Variants in FBLIM1 observed in about 807,000 individuals in gnomAD.
The protein encoded by FBLIM1 is filamin binding LIM protein 1, also known as filamin-binding LIM protein 1.
A neutral mutation model predicts 37.4 loss-of-function variants in FBLIM1; 29 were observed. The observed-to-expected ratio is 0.77, with a 90% CI of 0.58 to 1.06. The LOEUF is 1.06. Ranked by LOEUF, FBLIM1 falls within the 50% of genes least tolerant of loss-of-function variation. The pLI is 0.00. For synonymous variants in FBLIM1, 193 were observed against 199.0 expected (o/e 0.97, Z 0.25); for missense variants, 449 against 505.6 (o/e 0.89, Z 1.07).
Position 15,770,490 on chromosome 1 carries a change from G to A in FBLIM1, c.623G>A (p.Cys208Tyr). The A allele has an allele frequency of 6.2e-7, 1 of 1,613,716 alleles. No homozygotes were observed. Among genetic ancestry groups the A allele is most frequent in the East Asian group, 2.2e-5 (1 of 44,856 alleles). The change falls in exon 6 of 9, where the codon TGC becomes TAC. Residue 208 changes from cysteine to tyrosine, a missense_variant. Cys to Tyr is a radical substitution (Grantham distance 194). Transcript: ENST00000375766. ...EAMKRQYHAQ[C>Y]FTCRTCRRQL... Reference sequence around the variant, plus strand: ...ATGAAGAGGCAGTACCATGCCCAGTGCTTCACGTGCCGCACCTGCCGCCGC... The same window carrying A: ...ATGAAGAGGCAGTACCATGCCCAGTACTTCACGTGCCGCACCTGCCGCCGC...
At chr1:15,783,866 A>G (rs1245911765) in intron 8 of FBLIM1, among the ~76,000 whole-genome samples, 1 of 151,944 alleles carries the variant, frequency 6.6e-6, no homozygotes, top group East Asian at 1.9e-4. Flanking sequence ...ATAGGCGTGA[A>G]CCACCGCGCC....
rs76050903 is a variant in FBLIM1, at chr1:15,764,916, C to A, written c.-20-48C>A. ...GCTCTCTCCTCTCGGGGGAGGGTGG[C>A]TGTGTGTCTGGGTGGCAATCCTGTG... On this transcript the variant is annotated intron_variant, in intron 2 of 8. Transcript: ENST00000375766. 4,013 of 1,535,196 alleles carry A rather than the reference C, an allele frequency of 2.6e-3. 21 individuals are homozygous for A. Among genetic ancestry groups the A allele is most frequent in the Middle Eastern group, 0.015 (69 of 4,496 alleles).
intron 8 of FBLIM1, among the ~76,000 whole-genome samples, chr1:15,778,193 TGGAG>T (rs1478463690): frequency 6.6e-6 from 1 of 151,988 alleles, no homozygotes; most frequent in African/African-American, 2.4e-5. Flanking sequence ...TTGTTACAAC[TGGAG>T]GAAGGGAGAA....
chr1:15,767,114 A>C (rs2068961331), intron 3 of FBLIM1, among the ~76,000 whole-genome samples: 1 of 151,312 alleles, frequency 6.6e-6, no homozygotes, highest in Admixed American at 6.6e-5. Flanking sequence ...GCTGCTCTTG[A>C]ACTTCTGGGT....
chr1:15,770,120 T>C (rs947060559), intron 5 of FBLIM1, among the ~76,000 whole-genome samples: 2 of 151,768 alleles, frequency 1.3e-5, no homozygotes, highest in African/African-American at 2.4e-5. Context: ...CTAATTTTTG[T>C]ATTTTTAGTA....
upstream of FBLIM1, among the ~76,000 whole-genome samples, chr1:15,757,116 A>G (rs2068460651): frequency 6.6e-6 from 1 of 152,138 alleles, no homozygotes; most frequent in African/African-American, 2.4e-5. This position sits in a 1 kb window ranked among gnomAD's most constrained non-coding sequence, Gnocchi z 4.1. Flanking sequence ...GGGGCAGGAT[A>G]TCACTGCCAA....
chr1:15,771,257 T>TG (rs1442130654), intron 6 of FBLIM1, among the ~76,000 whole-genome samples: 2 of 150,784 alleles, frequency 1.3e-5, no homozygotes, highest in African/African-American at 4.9e-5. Flanking sequence ...TTGTTTTTTT[T>TG]TTTTTTTAAG....
chr1:15,770,373 C>T (rs2069142585), intron 5 of FBLIM1, 36 bp from the exon 6 acceptor site: 1 of 1,600,784 alleles, frequency 6.2e-7, no homozygotes, highest in South Asian at 1.1e-5. Flanking sequence ...TCCTCACAGG[C>T]TGGGCTGGTG....
In FBLIM1 at chr1:15,765,347, T is replaced by C. The variant is rs537925167; in HGVS notation, c.250+114T>C. On this transcript the variant is annotated intron_variant, in intron 3 of 8. Coordinates refer to ENST00000375766, the MANE Select transcript of FBLIM1 (RefSeq NM_017556.4). The surrounding 1 kb of genome is among the most constrained non-coding windows in gnomAD (Gnocchi z 5.9). ...TATTCATCCTGACAAAATTCACACA[T>C]CAACGGGAAACAAAAAGATGTGCCC... 1 of 1,408,120 alleles carries C rather than the reference T, an allele frequency of 7.1e-7. No homozygotes were observed. Among genetic ancestry groups the C allele is most frequent in the South Asian group, 1.4e-5 (1 of 69,800 alleles). The allele number at this position is 1,408,120 out of a possible 1,614,324, so 87.2% of individuals were successfully genotyped here. A position where few individuals can be genotyped will look rare whatever the true frequency, so the allele number is the denominator to read the frequency against.
intron 6 of FBLIM1, among the ~76,000 whole-genome samples, chr1:15,774,263 T>C (rs932476905): frequency 1.2e-5 from 1 of 82,228 alleles, no homozygotes; most frequent in Admixed American, 1.4e-4. Flanking sequence ...TTCTTGTCTG[T>C]ATGATAAAGC....
chr1:15,778,520 C>T (rs1159841754), intron 8 of FBLIM1, among the ~76,000 whole-genome samples: 6 of 152,014 alleles, frequency 3.9e-5, no homozygotes, highest in African/African-American at 1.5e-4. Context: ...CTGGGCCTTG[C>T]AGGATGAGTA....
Position 15,770,576 on chromosome 1 carries a change from C to A in FBLIM1, c.709C>A (p.Gln237Lys), listed in dbSNP as rs778237381. The A allele has an allele frequency of 6.2e-7, 1 of 1,613,538 alleles. No homozygotes were observed. Among genetic ancestry groups the A allele is most frequent in the Non-Finnish European group, 8.5e-7 (1 of 1,179,762 alleles). Residue 237 changes from glutamine to lysine, a missense_variant and splice_region_variant, in exon 6 of 9, where the codon CAG becomes AAG. By Grantham distance (53) the Gln-to-Lys change is moderately conservative. Coordinates refer to ENST00000375766, the MANE Select transcript of FBLIM1 (RefSeq NM_017556.4). ...GCGACCCCTCTGCGAACCCTGCTACCAGGTAACCCCTGCAGCAGACCTCTG... is the reference window on the plus strand; with the variant it reads ...GCGACCCCTCTGCGAACCCTGCTACAAGGTAACCCCTGCAGCAGACCTCTG... ...DGRPLCEPCY[Q>K]DTLERCGKCG...
Position 15,782,932 on chromosome 1 carries a change from A to G in FBLIM1, c.1009-1616A>G, listed in dbSNP as rs373965897. ...TGTCTCAGCCTCATGAGTAGCTGGG[A>G]TTACAGGCACCCACCACCACGCCCG... On this transcript the variant is annotated intron_variant, in intron 8 of 8. Transcript: ENST00000375766. 4.0e-5 allele frequency among the ~76,000 whole-genome samples: 6 copies of G among 150,480 alleles called. No homozygotes were observed. In the East Asian group the frequency reaches 5.9e-4, roughly 15 times the overall value.
chr1:15,781,885 A>AT (rs35254883), intron 8 of FBLIM1, among the ~76,000 whole-genome samples: 129,464 of 149,530 alleles, frequency 0.87, 56,149 homozygotes, highest in African/African-American at 0.89. Context: ...CGCCTGGCTA[A>AT]TTTTTTGTAT....
intron 8 of FBLIM1, among the ~76,000 whole-genome samples, chr1:15,783,803 C>CT (rs1473646251): frequency 1.3e-5 from 2 of 151,898 alleles, no homozygotes; most frequent in East Asian, 3.9e-4. Flanking sequence ...AGGATGGTCT[C>CT]TATCTCCTGA....
chr1:15,770,290 T>G, intron 5 of FBLIM1, 119 bp from the exon 6 acceptor site: 1 of 1,035,522 alleles, frequency 9.7e-7, no homozygotes, highest in Non-Finnish European at 1.4e-6. Flanking sequence ...GTATTTGTCA[T>G]TTGAGGAATT....
chr1:15,774,074 A>G (rs2069364921), intron 6 of FBLIM1, among the ~76,000 whole-genome samples: 1 of 152,184 alleles, frequency 6.6e-6, no homozygotes, highest in Admixed American at 6.6e-5. Flanking sequence ...TAGAGGATGC[A>G]GTGAGCTGAG....
intron 8 of FBLIM1, among the ~76,000 whole-genome samples, chr1:15,778,573 G>C (rs1234374479): frequency 1.3e-5 from 2 of 152,000 alleles, no homozygotes; most frequent in African/African-American, 4.8e-5. Flanking sequence ...TCCAGAAAGG[G>C]GAAAAGAGCT....
At chr1:15,773,578 G>C (rs2069332136) in intron 6 of FBLIM1, among the ~76,000 whole-genome samples, 1 of 151,648 alleles carries the variant, frequency 6.6e-6, no homozygotes, top group South Asian at 2.1e-4. Flanking sequence ...TACTCGGGAG[G>C]CTGAGGCAGG....
Sources: gnomAD v4.1 joint callset for allele counts (sites outside exome capture counted in the v4.1 genomes callset) on GRCh38, gnomAD v4.1.1 for gene constraint, Gnocchi (gnomAD v3.1) non-coding constraint, MANE v1.5 for transcripts, NCBI Gene and HGNC (gene_info 2026-07-23, HGNC 2026-07-21) for gene names.